The following IFNA4 variants were observed in gnomAD, a reference collection of about 807,000 sequenced individuals.
The protein encoded by IFNA4 is interferon alpha 4.
For missense variants in IFNA4, 225 were observed against 214.9 expected (o/e 1.05, Z -0.29); for synonymous variants, 84 against 86.0 (o/e 0.98, Z 0.13).
chr9:21,186,730 AAAAT>A, exon 1 of IFNA4: 1 of 316,794 alleles, frequency 3.2e-6, no homozygotes. Context: ...TTAAATTTTA[AAAAT>A]AAATAAATAT....
At chr9:21,187,133 G>A in exon 1 of IFNA4, 2 of 1,613,946 alleles carry the variant, frequency 1.2e-6, no homozygotes, top group South Asian at 1.1e-5. Flanking sequence ...CATTCATCAG[G>A]GGAGTCTCTT....
In IFNA4 at chr9:21,187,216, C is replaced by T. The variant is rs765786803; in HGVS notation, c.316G>A (p.Glu106Lys). The change falls in exon 1 of 1, where the codon GAA becomes AAA. Residue 106 changes from glutamate (E) to lysine (K), a missense_variant. Coordinates refer to ENST00000421715, the Ensembl canonical transcript of IFNA4. ...TGGTAAAGTTCAGTGGAAAATTTTTCTAGGAGGCTCTGTTCCCAAGCAGCA... is the reference window on the plus strand; with the variant it reads ...TGGTAAAGTTCAGTGGAAAATTTTTTTAGGAGGCTCTGTTCCCAAGCAGCA... 4.3e-6 allele frequency: 7 copies of T among 1,612,584 alleles called. No homozygotes were observed. The South Asian group carries it at 5.5e-5, about 13-fold the overall frequency.
chr9:21,187,351 A>T (rs898176081), exon 1 of IFNA4: 10 of 1,614,016 alleles, frequency 6.2e-6, no homozygotes, highest in South Asian at 4.4e-5. Flanking sequence ...TCCTCGGGGA[A>T]TCCGAAATCA....
At chr9:21,186,954 A>C in exon 1 of IFNA4, 1 of 1,613,784 alleles carries the variant, frequency 6.2e-7, no homozygotes, top group South Asian at 1.1e-5. Context: ...TCCATGTTGA[A>C]CCAGGTTTCA....
chr9:21,187,544 A>C lies in IFNA4; in HGVS notation c.-13T>G, dbSNP rs751147936. 1 of 1,593,592 alleles carries C rather than the reference A, an allele frequency of 6.3e-7. No homozygotes were observed. Among genetic ancestry groups the C allele is most frequent in the Admixed American group, 1.8e-5 (1 of 56,198 alleles). On this transcript the variant is annotated 5_prime_UTR_variant, in exon 1 of 1. In the 5' UTR this introduces an upstream ATG that the reference lacks. Coordinates refer to ENST00000421715, the Ensembl canonical transcript of IFNA4. ...AGGACAGGGCCATTGGGATGTTGCA[A>C]ATATTGCTAGGCTACTTGAGATGGA...
chr9:21,186,844 T>C, exon 1 of IFNA4: 1 of 1,533,600 alleles, frequency 6.5e-7, no homozygotes, highest in Non-Finnish European at 8.8e-7. Context: ...TGAAAACATT[T>C]GAAAATTTTG....
At chr9:21,187,132 G>A in exon 1 of IFNA4, 1 of 1,614,000 alleles carries the variant, frequency 6.2e-7, no homozygotes, top group Non-Finnish European at 8.5e-7. Context: ...TCATTCATCA[G>A]GGGAGTCTCT....
At position 21,187,460 on chromosome 9, in the gene IFNA4, A is replaced by C. The variant is rs141342763; in HGVS notation, c.72T>G (p.Cys24Trp). 7.7e-4 allele frequency: 1,238 copies of C among 1,614,162 alleles called. 7 individuals carry two copies. The African/African-American group carries it at 0.014, about 19-fold the overall frequency. The change falls in exon 1 of 1, where the codon TGT (cysteine) becomes TGG (tryptophan). Residue 24 changes from cysteine (C) to tryptophan (W), a missense_variant. Coordinates refer to ENST00000421715, the Ensembl canonical transcript of IFNA4. The stretch of plus-strand genomic sequence containing the variant: ...CCAGGCTGTGGGTCTGAGGCAGATC[A>C]CAGCCCAGAGAACAGATGGATTTGT...
In IFNA4 at chr9:21,187,490, G is replaced by A. The variant is rs377224183; in HGVS notation, c.42C>T (p.Leu14=). Residue 14 remains leucine, a synonymous_variant, in exon 1 of 1, where the codon CTC becomes CTT. Transcript: ENST00000421715. ...CCAGAGAACAGATGGATTTGTAGCT[G>A]AGCACCAGCACGGCCATCAGTAAAG... The A allele has an allele frequency of 7.4e-6, 12 of 1,613,138 alleles. No individual in the cohort carries two copies. The African/African-American group carries it at 1.2e-4, about 16-fold the overall frequency.
chr9:21,186,885 C>A, exon 1 of IFNA4: 2 of 1,586,794 alleles, frequency 1.3e-6, no homozygotes, highest in East Asian at 2.2e-5. Context: ...AGAAGTGAGT[C>A]TTTGAAATGG....
At chr9:21,187,237 C>T (rs1019663598) in exon 1 of IFNA4, 11 of 1,612,130 alleles carry the variant, frequency 6.8e-6, no homozygotes, top group South Asian at 1.1e-5. Context: ...TGTTCCCAAG[C>T]AGCAGATGAG....
Position 21,187,136 on chromosome 9 carries a change from A to G in IFNA4, c.396T>C (p.Thr132=). The G allele has an allele frequency of 1.9e-6, 3 of 1,613,924 alleles. No individual in the cohort carries two copies. The South Asian group carries it at 3.3e-5, about 18-fold the overall frequency. ...GGATGGAGTCCTCATTCATCAGGGG[A>G]GTCTCTTCCACCCCAACCTCCTGTA... The change falls in exon 1 of 1, where the codon ACT becomes ACC. Residue 132 remains threonine (T), a synonymous_variant. Coordinates refer to ENST00000421715, the Ensembl canonical transcript of IFNA4.
exon 1 of IFNA4, chr9:21,187,430 A>T: frequency 2.5e-6 from 4 of 1,614,192 alleles, no homozygotes; most frequent in Non-Finnish European, 3.4e-6. Context: ...AGGCCCTCCT[A>T]TTACCCAGGC....
rs533722970 is a variant in IFNA4, at chr9:21,186,830, C to G, written c.*132G>C. On this transcript the variant is annotated 3_prime_UTR_variant, in exon 1 of 1. Coordinates refer to ENST00000421715, the Ensembl canonical transcript of IFNA4. ...CAGGTATACACCAAGCTTCTTCACA[C>G]TGCTGAAAACATTTGAAAATTTTGA... The G allele has an allele frequency of 8.9e-6, 13 of 1,465,878 alleles. No individual in the cohort carries two copies. In the East Asian group the frequency reaches 2.3e-4, roughly 26 times the overall value. The allele number at this position is 1,465,878 out of a possible 1,614,324, so 90.8% of individuals were successfully genotyped here. A position where few individuals can be genotyped will look rare whatever the true frequency, so the allele number is the denominator to read the frequency against.
exon 1 of IFNA4, chr9:21,186,936 G>A (rs1312294871): frequency 1.2e-6 from 2 of 1,612,982 alleles, no homozygotes; most frequent in Non-Finnish European, 1.7e-6. Context: ...TAGTCAATCA[G>A]GATCATTTCC....
At chr9:21,187,082 G>A (rs1164711865) in exon 1 of IFNA4, 1 of 1,614,120 alleles carries the variant, frequency 6.2e-7, no homozygotes. Context: ...GATAAAGAGT[G>A]ATTCTTTGGA....
At chr9:21,186,929 T>A (rs1226196174) in exon 1 of IFNA4, 1 of 1,612,496 alleles carries the variant, frequency 6.2e-7, no homozygotes, top group Admixed American at 1.7e-5. Context: ...AATGTATTAG[T>A]CAATCAGGAT....
exon 1 of IFNA4, chr9:21,187,416 A>T (rs1210053310): frequency 1.9e-6 from 3 of 1,614,190 alleles, no homozygotes; most frequent in South Asian, 1.1e-5. Flanking sequence ...TGCCAGGAGT[A>T]TCAAGGCCCT....
exon 1 of IFNA4, chr9:21,186,972 C>G (rs2132911176): frequency 6.2e-7 from 1 of 1,614,002 alleles, no homozygotes; most frequent in South Asian, 1.1e-5. Flanking sequence ...TCAATCCTTC[C>G]TCCTTAATCT....
Sources: gnomAD v4.1 joint callset for allele counts on GRCh38, gnomAD v4.1.1 for gene constraint, MANE v1.5 for transcripts, NCBI Gene and HGNC (gene_info 2026-07-23, HGNC 2026-07-21) for gene names.